The following RGS20 variants were observed in gnomAD, a reference collection of about 807,000 sequenced individuals.
RGS20 encodes the protein regulator of G protein signaling 20.
A neutral mutation model predicts 33.6 loss-of-function variants in RGS20; 30 were observed. The ratio of observed to expected loss-of-function variants is 0.89; its 90% CI spans 0.67 to 1.21. RGS20 has a LOEUF of 1.21. RGS20 is among the 50% of genes most tolerant of loss of function. The probability of loss-of-function intolerance (pLI) is 0.00; values close to 1 mark genes in which losing one functional copy is unlikely to be tolerated. For missense variants in RGS20, 472 were observed against 502.4 expected (o/e 0.94, Z 0.58); for synonymous variants, 208 against 197.9 (o/e 1.05, Z -0.43).
chr8:53,930,716 T>C (rs2129288594), intron 2 of RGS20, among the ~76,000 whole-genome samples: 1 of 152,226 alleles, frequency 6.6e-6, no homozygotes, highest in South Asian at 2.1e-4. Flanking sequence ...CAGCTAATTT[T>C]TTTTGTAGTT....
At chr8:53,936,624 T>C (rs1390516222) in intron 2 of RGS20, among the ~76,000 whole-genome samples, 1 of 152,074 alleles carries the variant, frequency 6.6e-6, no homozygotes, top group Non-Finnish European at 1.5e-5. Context: ...GGAAAAACAT[T>C]CCATGCTCAT....
chr8:53,908,830 A>G (rs1176980083), intron 2 of RGS20, among the ~76,000 whole-genome samples: 1 of 151,914 alleles, frequency 6.6e-6, no homozygotes, highest in African/African-American at 2.4e-5. Context: ...TAAACAAACT[A>G]TCATATCAAC....
At chr8:53,935,201 T>C (rs886752863) in intron 2 of RGS20, among the ~76,000 whole-genome samples, 3 of 151,988 alleles carry the variant, frequency 2.0e-5, no homozygotes, top group African/African-American at 7.2e-5. Flanking sequence ...ATTAAAGAAC[T>C]AGAGAAGTGA....
intron 1 of RGS20, among the ~76,000 whole-genome samples, chr8:53,866,765 G>T (rs907635936): frequency 1.3e-5 from 2 of 152,092 alleles, no homozygotes; most frequent in African/African-American, 4.8e-5. Flanking sequence ...AGGTGCAAAG[G>T]CTGGAACTGT....
At chr8:53,924,870 C>T (rs1813750066) in intron 2 of RGS20, among the ~76,000 whole-genome samples, 1 of 152,206 alleles carries the variant, frequency 6.6e-6, no homozygotes, top group African/African-American at 2.4e-5. Flanking sequence ...TCTATATGCT[C>T]CCATATTCCA....
intron 3 of RGS20, among the ~76,000 whole-genome samples, chr8:53,944,537 CAAA>C (rs762040506): frequency 9.2e-6 from 1 of 108,356 alleles, no homozygotes. Context: ...GACCCCGTCT[CAAA>C]AAAAAAAAAA....
At chr8:53,858,953 G>T (rs1208518714) in intron 1 of RGS20, among the ~76,000 whole-genome samples, 2 of 151,578 alleles carry the variant, frequency 1.3e-5, no homozygotes, top group African/African-American at 2.4e-5. Context: ...GTACTGAAAG[G>T]GTTTTCAGAA....
chr8:53,864,430 GA>G (rs754317203), intron 1 of RGS20, among the ~76,000 whole-genome samples: 3,129 of 82,916 alleles, frequency 0.038, 41 homozygotes, highest in East Asian at 0.099. Flanking sequence ...AAGACTCCAT[GA>G]AAAAAAAAAA....
chr8:53,909,577 C>G (rs61524906), intron 2 of RGS20, among the ~76,000 whole-genome samples: 8,256 of 151,772 alleles, frequency 0.054, 673 homozygotes, highest in African/African-American at 0.18. Flanking sequence ...TTTTTAAAGG[C>G]TGTTATTATA....
chr8:53,875,977 A>C (rs1812200365), intron 1 of RGS20, among the ~76,000 whole-genome samples: 1 of 152,228 alleles, frequency 6.6e-6, no homozygotes, highest in South Asian at 2.1e-4. Context: ...AATGCAGGGA[A>C]AGATTTGCCT....
chr8:53,855,803 G>A (rs905351398), intron 1 of RGS20, among the ~76,000 whole-genome samples: 10 of 152,156 alleles, frequency 6.6e-5, no homozygotes, highest in Non-Finnish European at 1.3e-4. Flanking sequence ...AGGTTAAACT[G>A]ACAATATGAC....
chr8:53,890,279 T>C (rs1812677556), intron 2 of RGS20, among the ~76,000 whole-genome samples: 1 of 152,248 alleles, frequency 6.6e-6, no homozygotes, highest in Non-Finnish European at 1.5e-5. Context: ...AGAACTTGTT[T>C]TCTTCTAAAT....
intron 1 of RGS20, among the ~76,000 whole-genome samples, chr8:53,878,430 T>C (rs1812256131): frequency 6.6e-6 from 1 of 152,012 alleles, no homozygotes; most frequent in South Asian, 2.1e-4. Context: ...AGTGCTTCCC[T>C]CCACTTTCCA....
chr8:53,938,203 A>G (rs1814190399), intron 2 of RGS20, among the ~76,000 whole-genome samples: 1 of 152,246 alleles, frequency 6.6e-6, no homozygotes, highest in South Asian at 2.1e-4. Context: ...CTATGCAGCC[A>G]TTAAACAGGA....
intron 3 of RGS20, among the ~76,000 whole-genome samples, chr8:53,946,075 TCTA>T (rs1313048553): frequency 2.6e-5 from 4 of 152,222 alleles, no homozygotes; most frequent in Admixed American, 6.5e-5. Context: ...TTTATTTTTC[TCTA>T]CTACTTTTGT....
chr8:53,938,030 C>T (rs1018624898), intron 2 of RGS20, among the ~76,000 whole-genome samples: 1 of 152,194 alleles, frequency 6.6e-6, no homozygotes, highest in Non-Finnish European at 1.5e-5. Context: ...AATCCCATTA[C>T]TGGGTATATA....
chr8:53,939,032 A>G (rs1050330158), intron 2 of RGS20, among the ~76,000 whole-genome samples: 3 of 152,164 alleles, frequency 2.0e-5, no homozygotes, highest in African/African-American at 7.2e-5. Flanking sequence ...TCACTTCTGC[A>G]AGGTGACGCA....
intron 3 of RGS20, among the ~76,000 whole-genome samples, chr8:53,944,495 G>A (rs1260657372): frequency 3.3e-5 from 5 of 149,874 alleles, no homozygotes; most frequent in Admixed American, 2.0e-4. Flanking sequence ...CTGAGATCAC[G>A]CCATTGCACT....
intron 5 of RGS20, among the ~76,000 whole-genome samples, chr8:53,954,910 T>A (rs560335586): frequency 6.6e-6 from 1 of 151,230 alleles, no homozygotes; most frequent in African/African-American, 2.4e-5. Flanking sequence ...ATGGTCTTGA[T>A]CTCTTGACCT....
Sources: allele counts gnomAD v4.1 joint callset (sites outside exome capture counted in the v4.1 genomes callset), GRCh38; gene constraint gnomAD v4.1.1; transcripts MANE v1.5; gene names NCBI Gene and HGNC (gene_info 2026-07-23, HGNC 2026-07-21).